Variants in SLC2A9 observed in about 807,000 individuals in gnomAD.
The protein encoded by SLC2A9 is solute carrier family 2 member 9, also known as solute carrier family 2, facilitated glucose transporter member 9.
A neutral mutation model predicts 50.6 loss-of-function variants in SLC2A9; 39 were observed. The ratio of observed to expected loss-of-function variants is 0.77; its 90% CI spans 0.60 to 1.01. SLC2A9 has a LOEUF of 1.01. Among genes scored for constraint, SLC2A9 ranks in the 50% least tolerant of loss-of-function variants. SLC2A9 has a pLI of 0.00. For missense variants in SLC2A9, 686 were observed against 677.6 expected, an observed-to-expected ratio of 1.01 and a Z score of -0.14; for synonymous variants, 324 against 276.9, an observed-to-expected ratio of 1.17 and a Z score of -1.69.
chr4:9,805,977 C>T (rs780457201), intron 3 of SLC2A9, among the ~76,000 whole-genome samples: 3 of 152,164 alleles, frequency 2.0e-5, no homozygotes, highest in African/African-American at 2.4e-5. Flanking sequence ...AGCAAGTACG[C>T]GGTGGAGCCT....
intron 3 of SLC2A9, among the ~76,000 whole-genome samples, chr4:9,808,320 A>C (rs938244957): frequency 6.6e-6 from 1 of 152,112 alleles, no homozygotes; most frequent in African/African-American, 2.4e-5. Flanking sequence ...CACACACTCT[A>C]TGCCTGTCAT....
intron 6 of SLC2A9, among the ~76,000 whole-genome samples, chr4:9,940,212 C>T (rs1747872275): frequency 6.6e-6 from 1 of 152,182 alleles, no homozygotes; most frequent in South Asian, 2.1e-4. Context: ...AATCAGATCC[C>T]CTTGGTTCTC....
At chr4:10,038,538 T>G (rs55668232) in intron 1 of SLC2A9, among the ~76,000 whole-genome samples, 12,175 of 140,518 alleles carry the variant, frequency 0.087, 1,218 homozygotes, top group East Asian at 0.45. Flanking sequence ...AAAAAATTAG[T>G]TCAGACAAGT....
chr4:10,005,164 T>C (rs1446367587), intron 2 of SLC2A9, among the ~76,000 whole-genome samples: 1 of 152,050 alleles, frequency 6.6e-6, no homozygotes, highest in Non-Finnish European at 1.5e-5. Context: ...AATTATAACA[T>C]GGAATAAAAA....
At chr4:9,963,405 T>C (rs189201692) in intron 5 of SLC2A9, among the ~76,000 whole-genome samples, 1 of 152,264 alleles carries the variant, frequency 6.6e-6, no homozygotes, top group Non-Finnish European at 1.5e-5. Context: ...TCAAGGGAAA[T>C]GTGTACCTTC....
chr4:9,989,415 T>C (rs1757300311), intron 3 of SLC2A9, among the ~76,000 whole-genome samples: 1 of 152,252 alleles, frequency 6.6e-6, no homozygotes, highest in Middle Eastern at 3.4e-3. Flanking sequence ...ATGTTTTCTC[T>C]CTCTCTTCAA....
upstream of SLC2A9, among the ~76,000 whole-genome samples, chr4:10,025,209 A>G (rs73229828): frequency 0.17 from 26,482 of 152,172 alleles, 2,496 homozygotes; most frequent in Non-Finnish European, 0.21. Context: ...CACCCATCAC[A>G]GGAGGTGAGG....
Position 9,890,637 on chromosome 4 carries a change from C to T in SLC2A9, c.1188G>A (p.Gly396=). The T allele has an allele frequency of 6.2e-7, 1 of 1,614,098 alleles. No homozygotes were observed. The highest frequency in any genetic ancestry group is 1.7e-4 in the Middle Eastern group (1 of 6,060). The change falls in exon 9 of 12, where the codon GGG becomes GGA. Residue 396 remains glycine (G), a synonymous_variant. Coordinates refer to ENST00000264784, the MANE Select transcript of SLC2A9 (RefSeq NM_020041.3). ...GGFGLMGLFF[G]TLTITLTLQD... is the part of the protein sequence containing the mutation. ...GCAGGGTCAGCGTGATGGTGAGGGTCCCAAAGAAGAGGCCCATGAGCCCAA... is the reference window on the plus strand; with the variant it reads ...GCAGGGTCAGCGTGATGGTGAGGGTTCCAAAGAAGAGGCCCATGAGCCCAA...
At chr4:10,031,046 A>G (rs1763928818) in intron 1 of SLC2A9, among the ~76,000 whole-genome samples, 1 of 152,216 alleles carries the variant, frequency 6.6e-6, no homozygotes, top group Admixed American at 6.5e-5. Context: ...CAGGGGGCTT[A>G]GATTGAGGAG....
At chr4:9,798,265 T>C (rs1309174661), downstream of SLC2A9, among the ~76,000 whole-genome samples, 1 of 152,174 alleles carries the variant, frequency 6.6e-6, no homozygotes, top group Non-Finnish European at 1.5e-5. Context: ...GATTCTTGTG[T>C]TTCATCAACT....
intron 2 of SLC2A9, chr4:10,009,421 C>T (rs907528590): frequency 9.2e-5 from 14 of 152,222 alleles, no homozygotes; most frequent in African/African-American, 2.7e-4. Flanking sequence ...CAGCTCTACC[C>T]TTATAGAGGG....
chr4:9,878,168 A>AAT (rs905089366), intron 10 of SLC2A9, among the ~76,000 whole-genome samples: 19 of 151,904 alleles, frequency 1.3e-4, no homozygotes, highest in African/African-American at 3.9e-4. Flanking sequence ...ATAAAATTGC[A>AAT]ATATATATAT....
intron 10 of SLC2A9, among the ~76,000 whole-genome samples, chr4:9,869,168 G>C (rs1231924232): frequency 1.3e-5 from 2 of 152,170 alleles, no homozygotes; most frequent in Non-Finnish European, 2.9e-5. Context: ...TCGGGATCTG[G>C]ACTTTTCCAC....
chr4:9,921,802 A>G (rs1158076204), intron 6 of SLC2A9, among the ~76,000 whole-genome samples: 1 of 152,214 alleles, frequency 6.6e-6, no homozygotes, highest in Non-Finnish European at 1.5e-5. Context: ...TGTTTCCTCA[A>G]AGTTCAAAAT....
chr4:9,933,940 T>C (rs1746601949), intron 6 of SLC2A9, among the ~76,000 whole-genome samples: 1 of 152,202 alleles, frequency 6.6e-6, no homozygotes. Flanking sequence ...TGCCTCCTTT[T>C]TCCACTTATA....
chr4:9,809,316 T>C (rs1722542518), intron 3 of SLC2A9, among the ~76,000 whole-genome samples: 1 of 152,156 alleles, frequency 6.6e-6, no homozygotes, highest in African/African-American at 2.4e-5. Flanking sequence ...CGTTGGTTGC[T>C]TGGGGTCATG....
chr4:10,025,732 C>T (rs935785000), upstream of SLC2A9: 4 of 629,118 alleles, frequency 6.4e-6, no homozygotes, highest in South Asian at 1.9e-5. Context: ...ATCCCAGACA[C>T]TCTACAATCC....
intron 10 of SLC2A9, among the ~76,000 whole-genome samples, chr4:9,875,558 T>G (rs367769397): frequency 4.1e-4 from 63 of 152,328 alleles, no homozygotes; most frequent in Middle Eastern, 6.8e-3. Flanking sequence ...TCCTCTGTGC[T>G]CCCTTAGTAC....
chr4:10,030,331 T>C (rs1353455889), intron 1 of SLC2A9, among the ~76,000 whole-genome samples: 2 of 152,230 alleles, frequency 1.3e-5, no homozygotes, highest in African/African-American at 4.8e-5. Flanking sequence ...ATATGTACAA[T>C]TATTTGTCAA....
Sources: allele counts gnomAD v4.1 joint callset (sites outside exome capture counted in the v4.1 genomes callset), GRCh38; gene constraint gnomAD v4.1.1; transcripts MANE v1.5; gene names NCBI Gene and HGNC (gene_info 2026-07-23, HGNC 2026-07-21).